Variants in ABLIM3 observed in about 807,000 individuals in gnomAD.
The protein encoded by ABLIM3 is actin-binding LIM protein 3.
In ABLIM3, 61 loss-of-function variants were observed where a neutral mutation model predicts 109.5. The ratio of observed to expected loss-of-function variants is 0.56; its 90% confidence interval spans 0.45 to 0.69. The LOEUF (loss-of-function observed/expected upper bound fraction) is 0.69, where lower values mean the gene tolerates loss of function less well. ABLIM3 is among the 30% of genes least tolerant of loss of function. The pLI is 0.00. For missense variants in ABLIM3, 796 were observed against 889.5 expected (o/e 0.89, Z 1.34); for synonymous variants, 300 against 324.8 (o/e 0.92, Z 0.82).
At chr5:149,245,063 AAGGAC>A in intron 16 of ABLIM3, 48 bp downstream of exon 16, 1 of 1,611,892 alleles carries the variant, frequency 6.2e-7, no homozygotes, top group Non-Finnish European at 8.5e-7. Context: ...CACCTGTGCC[AAGGAC>A]ACGGGTGTTC....
chr5:149,258,899 A>G lies in ABLIM3; in HGVS notation c.*495A>G, dbSNP rs1754679864. The G allele has an allele frequency of 1.4e-5, 14 of 990,114 alleles. No individual in the cohort carries two copies. The highest frequency in any genetic ancestry group is 1.7e-5 in the African/African-American group (1 of 57,406). The allele number at this position is 990,114 out of a possible 1,614,324, so 61.3% of individuals were successfully genotyped here. On this transcript the variant is annotated 3_prime_UTR_variant, in exon 24 of 24. Coordinates refer to ENST00000309868, the MANE Select transcript of ABLIM3 (RefSeq NM_014945.5). ...ACGAAGAACTTTCTCAACACCCCCA[A>G]TTAGGAGCTCAGTGCTCTCTTGGGG...
chr5:149,252,861 A>G (rs751098561), intron 23 of ABLIM3, 24 bp downstream of exon 23: 2 of 1,595,654 alleles, frequency 1.3e-6, no homozygotes, highest in Admixed American at 1.7e-5. Flanking sequence ...ACTGAGCAGG[A>G]GCTCTTGGGT....
At chr5:149,181,697 G>A (rs75620041) in intron 2 of ABLIM3, among the ~76,000 whole-genome samples, 145 of 152,304 alleles carry the variant, frequency 9.5e-4, no homozygotes, top group Middle Eastern at 3.4e-3. Context: ...GAGGACAGAT[G>A]AGATCAGTTT....
intron 15 of ABLIM3, 103 bp downstream of exon 15, chr5:149,242,641 AGGCTGCATCTT>A: frequency 8.1e-7 from 1 of 1,236,966 alleles, no homozygotes; most frequent in African/African-American, 1.5e-5. Context: ...ACAAAACACA[AGGCTGCATCTT>A]GGTCCTTCTT....
At chr5:149,257,149 CA>C (rs1195308079) in intron 23 of ABLIM3, among the ~76,000 whole-genome samples, 1 of 152,092 alleles carries the variant, frequency 6.6e-6, no homozygotes, top group Non-Finnish European at 1.5e-5. Context: ...TACTAAAATA[CA>C]AAAAAATTAG....
Position 149,200,439 on chromosome 5 carries a change from C to T in ABLIM3, c.448+11C>T. On this transcript the variant is annotated intron_variant, in intron 5 of 23. Coordinates refer to ENST00000309868, the MANE Select transcript of ABLIM3 (RefSeq NM_014945.5). Reference sequence around the variant, plus strand: ...TTCGTGGACCAAGCCGTGAGTCCTCCCCACGGGTATCTCCCTGTCCATGGG... The same window carrying T: ...TTCGTGGACCAAGCCGTGAGTCCTCTCCACGGGTATCTCCCTGTCCATGGG... The T allele has an allele frequency of 6.2e-7, 1 of 1,611,544 alleles. No individual in the cohort carries two copies. Among genetic ancestry groups the T allele is most frequent in the Non-Finnish European group, 8.5e-7 (1 of 1,177,686 alleles).
At chr5:149,231,436 G>C (rs1030969176) in intron 9 of ABLIM3, among the ~76,000 whole-genome samples, 2 of 152,136 alleles carry the variant, frequency 1.3e-5, no homozygotes, top group Admixed American at 1.3e-4. Context: ...ATGGGGAATG[G>C]GGCCTTTACA....
chr5:149,210,477 T>C (rs537473475), intron 6 of ABLIM3, among the ~76,000 whole-genome samples: 12 of 152,342 alleles, frequency 7.9e-5, no homozygotes, highest in Middle Eastern at 3.4e-3. Flanking sequence ...ATCTTATCAC[T>C]GTCCGCCAAG....
At chr5:149,234,930 G>A (rs1762201837) in intron 10 of ABLIM3, among the ~76,000 whole-genome samples, 1 of 152,194 alleles carries the variant, frequency 6.6e-6, no homozygotes, top group Non-Finnish European at 1.5e-5. Flanking sequence ...AATAAGTTAA[G>A]CCCTGATGAT....
chr5:149,200,839 G>A lies in ABLIM3; in HGVS notation c.448+411G>A, dbSNP rs138755380. Among the ~76,000 whole-genome samples the A allele has an allele frequency of 4.6e-4, 70 of 152,318 alleles. No homozygotes were observed. In the East Asian group the frequency reaches 0.011, roughly 24 times the overall value. On this transcript the variant is annotated intron_variant, in intron 5 of 23. Transcript: ENST00000309868. ...AGAGGTAGTATGGGGTGCCCTGGGA[G>A]CAAACCACAAGAGCTGTGTTGGTGC...
intron 3 of ABLIM3, among the ~76,000 whole-genome samples, chr5:149,187,975 T>C (rs1321601866): frequency 6.6e-6 from 1 of 152,220 alleles, no homozygotes; most frequent in African/African-American, 2.4e-5. Context: ...CTTTGCTCCA[T>C]CTGTAAGGGC....
In ABLIM3 at chr5:149,197,557, C is replaced by T. The variant is rs539266857; in HGVS notation, c.152-662C>T. On this transcript the variant is annotated intron_variant, in intron 3 of 23. Transcript: ENST00000309868. ...TATTCTTCCTGCCTGAGAATAGACA[C>T]CCCCCACTCCTTATGGCTATGGTGA... 7.9e-5 allele frequency among the ~76,000 whole-genome samples: 12 copies of T among 152,196 alleles called. No individual in the cohort carries two copies. In the East Asian group the frequency reaches 2.1e-3, roughly 27 times the overall value.
chr5:149,161,933 T>C (rs1754411033), intron 2 of ABLIM3, among the ~76,000 whole-genome samples: 1 of 151,834 alleles, frequency 6.6e-6, no homozygotes, highest in African/African-American at 2.4e-5. Context: ...TGTGCGCCTA[T>C]AGAGAAAAGA....
At chr5:149,184,013 A>G (rs1249975244) in intron 3 of ABLIM3, among the ~76,000 whole-genome samples, 1 of 147,340 alleles carries the variant, frequency 6.8e-6, no homozygotes, top group Non-Finnish European at 1.5e-5. Flanking sequence ...ATGACAATGT[A>G]GCAATCTTCA....
rs762599618 is a variant in ABLIM3, at chr5:149,210,828, G to A, written c.669+9G>A. The A allele has an allele frequency of 6.2e-7, 1 of 1,613,090 alleles. No individual in the cohort carries two copies. Among genetic ancestry groups the A allele is most frequent in the Non-Finnish European group, 8.5e-7 (1 of 1,179,086 alleles). On this transcript the variant is annotated intron_variant, in intron 7 of 23. Coordinates refer to ENST00000309868, the MANE Select transcript of ABLIM3 (RefSeq NM_014945.5). ...GTGGCAGAGTCTTGGAGGTGAGTGG[G>A]TATAAGTAACCGTGAAGATGTGGCA...
At chr5:149,240,491 T>G (rs1011667771) in intron 13 of ABLIM3, 185 bp from the exon 14 acceptor site, 2 of 595,772 alleles carry the variant, frequency 3.4e-6, no homozygotes, top group Non-Finnish European at 3.0e-6. Flanking sequence ...TCAAGCTTGT[T>G]TCTGCCAACG....
intron 20 of ABLIM3, among the ~76,000 whole-genome samples, chr5:149,250,731 A>G (rs191269241): frequency 1.4e-3 from 207 of 152,202 alleles, no homozygotes; most frequent in Middle Eastern, 6.8e-3. Flanking sequence ...TTGGGCAATA[A>G]CCCTGTGCCA....
Position 149,259,781 on chromosome 5 carries a change from G to A in ABLIM3, c.*1377G>A. The A allele has an allele frequency of 1.6e-6, 1 of 614,530 alleles. No individual in the cohort carries two copies. The highest frequency in any genetic ancestry group is 2.0e-5 in the South Asian group (1 of 49,380). 38.1% of individuals were successfully genotyped at this position (614,530 alleles called of 1,614,324 possible). A position where few individuals can be genotyped will look rare whatever the true frequency, so the allele number is the denominator to read the frequency against. ...AGTCGGACCATTTTGAGATCATGGA[G>A]GAAGGATGAAGAAGTGAAAATGACA... is the stretch of plus-strand genomic sequence containing the variant. On this transcript the variant is annotated 3_prime_UTR_variant, in exon 24 of 24. Transcript: ENST00000309868.
intron 5 of ABLIM3, among the ~76,000 whole-genome samples, chr5:149,201,485 T>C (rs1758481376): frequency 6.6e-6 from 1 of 152,006 alleles, no homozygotes; most frequent in Admixed American, 6.5e-5. Context: ...AGGGCTTAGC[T>C]CCCAGGGGCT....
Sources: gnomAD v4.1 joint callset for allele counts (sites outside exome capture counted in the v4.1 genomes callset) on GRCh38, gnomAD v4.1.1 for gene constraint, MANE v1.5 for transcripts, NCBI Gene and HGNC (gene_info 2026-07-23, HGNC 2026-07-21) for gene names.